PID1: variants seen among roughly 807,000 people sequenced by gnomAD.
PID1 encodes the protein PTB-containing, cubilin and LRP1-interacting protein.
PID1 carries 10 observed loss-of-function variants against 19.1 expected under a neutral mutation model. The ratio of observed to expected loss-of-function variants is 0.52; its 90% confidence interval spans 0.32 to 0.89. The LOEUF (loss-of-function observed/expected upper bound fraction) is 0.89. Ranked by LOEUF, PID1 falls within the 40% of genes least tolerant of loss-of-function variation. PID1 has a pLI of 0.03. For missense variants in PID1, 248 were observed against 285.3 expected, an observed-to-expected ratio of 0.87 and a Z score of 0.94; for synonymous variants, 130 against 116.0, an observed-to-expected ratio of 1.12 and a Z score of -0.78.
At chr2:229,136,515 G>A (rs1238907197) in intron 2 of PID1, among the ~76,000 whole-genome samples, 1 of 152,128 alleles carries the variant, frequency 6.6e-6, no homozygotes, top group Non-Finnish European at 1.5e-5. Flanking sequence ...AAAGATAATT[G>A]TTTTAAAAGT....
intron 1 of PID1, among the ~76,000 whole-genome samples, chr2:229,165,338 G>A (rs1170238861): frequency 2.0e-5 from 3 of 152,134 alleles, no homozygotes; most frequent in African/African-American, 4.8e-5. Flanking sequence ...GGTGGCTCAT[G>A]CCTGTAAACC....
At chr2:229,114,119 CTCTCTCTCTCTCTCTT>C (rs1333594452) in intron 2 of PID1, among the ~76,000 whole-genome samples, 21 of 137,578 alleles carry the variant, frequency 1.5e-4, no homozygotes, top group African/African-American at 4.3e-4. Context: ...CTCTTTCTCT[CTCTCTCTCTCTCTCTT>C]TCTCTCTCTC....
At chr2:229,264,189 G>A (rs1690535704) in intron 1 of PID1, among the ~76,000 whole-genome samples, 1 of 152,164 alleles carries the variant, frequency 6.6e-6, no homozygotes, top group East Asian at 1.9e-4. Flanking sequence ...GAGCAAACAT[G>A]CATTTGATGG....
chr2:229,128,426 C>T (rs1378733650), intron 2 of PID1, among the ~76,000 whole-genome samples: 5 of 152,124 alleles, frequency 3.3e-5, no homozygotes. Flanking sequence ...GTATAAAACT[C>T]CAAGCGTTTC....
intron 1 of PID1, among the ~76,000 whole-genome samples, chr2:229,220,813 A>G (rs1162680218): frequency 6.6e-6 from 1 of 152,206 alleles, no homozygotes; most frequent in African/African-American, 2.4e-5. Context: ...AGAAAACTCA[A>G]TAAGAAAGCT....
chr2:229,202,552 G>A (rs953573196), intron 1 of PID1, among the ~76,000 whole-genome samples: 2 of 151,958 alleles, frequency 1.3e-5, no homozygotes, highest in African/African-American at 4.8e-5. Context: ...TACTCCAGTT[G>A]CCTGATGTAC....
chr2:229,270,575 A>G lies in PID1; in HGVS notation c.30+439T>C, dbSNP rs148603621. On this transcript the variant is annotated intron_variant, in intron 1 of 2. Transcript: ENST00000392055. ...CCATGACCAAGCCAAACCAAGCTTG[A>G]TATTTCCACATTATATTGGCAAATG... Among the ~76,000 whole-genome samples the G allele has an allele frequency of 6.7e-3, 1,001 of 149,454 alleles. 5 individuals carry two copies. Among genetic ancestry groups the G allele is most frequent in the Non-Finnish European group, 0.011 (753 of 67,738 alleles).
chr2:229,215,840 G>C (rs1258009289), intron 1 of PID1, among the ~76,000 whole-genome samples: 1 of 152,230 alleles, frequency 6.6e-6, no homozygotes, highest in East Asian at 1.9e-4. Context: ...CAACCAACCT[G>C]TTCAAATGTA....
chr2:229,204,240 T>C (rs1691558330), intron 1 of PID1, among the ~76,000 whole-genome samples: 1 of 152,018 alleles, frequency 6.6e-6, no homozygotes, highest in African/African-American at 2.4e-5. Flanking sequence ...ATAGAGAGCG[T>C]GACAAGCAAG....
intron 1 of PID1, among the ~76,000 whole-genome samples, chr2:229,261,314 A>G (rs1248470784): frequency 2.0e-5 from 3 of 152,210 alleles, no homozygotes; most frequent in African/African-American, 7.2e-5. Flanking sequence ...GAACAAATAC[A>G]TTAAGCTACC....
intron 2 of PID1, among the ~76,000 whole-genome samples, chr2:229,097,637 G>T (rs1694997143): frequency 1.3e-5 from 2 of 152,102 alleles, no homozygotes; most frequent in Non-Finnish European, 2.9e-5. Flanking sequence ...GCATAATTAG[G>T]AATAGTTCCC....
intron 1 of PID1, among the ~76,000 whole-genome samples, chr2:229,214,829 A>G (rs1199206490): frequency 6.6e-6 from 1 of 151,708 alleles, no homozygotes; most frequent in African/African-American, 2.4e-5. Context: ...GCATAGGAAG[A>G]CTCTTCTTTC....
At chr2:229,167,403 A>G (rs1402348145) in intron 1 of PID1, among the ~76,000 whole-genome samples, 3 of 152,182 alleles carry the variant, frequency 2.0e-5, no homozygotes, top group Non-Finnish European at 4.4e-5. Context: ...TAAATATAAT[A>G]TACTGAGAAG....
chr2:229,184,490 T>G lies in PID1; in HGVS notation c.31-28526A>C, dbSNP rs1195715727. Among the ~76,000 whole-genome samples, 108 of 19,392 alleles carry G rather than the reference T, an allele frequency of 5.6e-3. 48 individuals carry two copies. The East Asian group carries it at 0.13, about 23-fold the overall frequency. The allele number at this position is 19,392 out of a possible 152,430, so 12.7% of individuals were successfully genotyped here. ...TATATATATATCCCGTATATATATA[T>G]ACCGTATATATATATATCCCGTATA... On this transcript the variant is annotated intron_variant, in intron 1 of 2. Coordinates refer to ENST00000392055, the MANE Select transcript of PID1 (RefSeq NM_001100818.2).
chr2:229,171,535 C>A (rs1690712075), intron 1 of PID1, among the ~76,000 whole-genome samples: 1 of 152,162 alleles, frequency 6.6e-6, no homozygotes, highest in Non-Finnish European at 1.5e-5. Context: ...AACTCCCAAC[C>A]TAGAACTAAC....
chr2:229,260,742 T>C (rs1013114092), intron 1 of PID1, among the ~76,000 whole-genome samples: 1 of 151,496 alleles, frequency 6.6e-6, no homozygotes, highest in Non-Finnish European at 1.5e-5. Flanking sequence ...TAAGCAGACA[T>C]TATTTTGTAA....
chr2:229,220,162 G>A (rs897345717), intron 1 of PID1, among the ~76,000 whole-genome samples: 1 of 151,964 alleles, frequency 6.6e-6, no homozygotes, highest in Non-Finnish European at 1.5e-5. Context: ...TAGGACCACA[G>A]GTACACTCCA....
intron 1 of PID1, among the ~76,000 whole-genome samples, chr2:229,249,996 A>G (rs1388969416): frequency 6.6e-6 from 1 of 152,250 alleles, no homozygotes; most frequent in East Asian, 1.9e-4. Context: ...AAGAGCTTGA[A>G]CCAAAGCATC....
rs1368323764 is a variant in PID1 at position 229,024,602 on chromosome 2, T to C, written c.*1030A>G. On this transcript the variant is annotated 3_prime_UTR_variant, in exon 3 of 3. Transcript: ENST00000392055. Reference sequence around the variant, plus strand: ...TTATCTAACTCATTCTGTATCTAAGTGCAATGCTGAGTGATGGGGGCAAGG... The same window carrying C: ...TTATCTAACTCATTCTGTATCTAAGCGCAATGCTGAGTGATGGGGGCAAGG... 6.6e-6 allele frequency: 1 copy of C among 152,632 alleles called. No individual in the cohort carries two copies. The highest frequency in any genetic ancestry group is 1.5e-5 in the Non-Finnish European group (1 of 68,040). 9.5% of individuals were successfully genotyped at this position (152,632 alleles called of 1,614,324 possible).
Sources: allele counts gnomAD v4.1 joint callset (sites outside exome capture counted in the v4.1 genomes callset), GRCh38; gene constraint gnomAD v4.1.1; transcripts MANE v1.5; gene names NCBI Gene and HGNC (gene_info 2026-07-23, HGNC 2026-07-21).